UPF2: variants seen among roughly 807,000 people sequenced by gnomAD.
UPF2 encodes the protein UPF2 regulator of nonsense mediated mRNA decay, also known as regulator of nonsense transcripts 2.
In UPF2, 17 loss-of-function variants were observed where a neutral mutation model predicts 141.4. The ratio of observed to expected loss-of-function variants is 0.12; its 90% confidence interval spans 0.08 to 0.18. The LOEUF (loss-of-function observed/expected upper bound fraction) is 0.18. Ranked by LOEUF, UPF2 falls within the 10% of genes least tolerant of loss-of-function variation. UPF2 has a pLI of 1.00. For synonymous variants in UPF2, 540 were observed against 498.0 expected (o/e 1.08, Z -1.12); for missense variants, 1,152 against 1,515.9 (o/e 0.76, Z 3.99).
chr10:11,948,549 T>C (rs766026922), intron 15 of UPF2, 41 bp from the exon 16 acceptor site: 40 of 1,601,604 alleles, frequency 2.5e-5, no homozygotes, highest in Non-Finnish European at 2.9e-5. Flanking sequence ...ACATTAAAAA[T>C]AGACACAGGC....
intron 9 of UPF2, among the ~76,000 whole-genome samples, chr10:11,973,982 G>A (rs887351660): frequency 6.6e-6 from 1 of 152,088 alleles, no homozygotes; most frequent in African/African-American, 2.4e-5. Context: ...GGGCAGTATG[G>A]CCATTTTCAT....
In UPF2 at chr10:11,949,015, C is replaced by T. The variant is rs141422546; in HGVS notation, c.3035-507G>A. On this transcript the variant is annotated intron_variant, in intron 15 of 21. Transcript: ENST00000357604. ...ATTAAGACGGGGGAATGGGGCAAAA[C>T]GCCATAGCAGCTTTGTCACCATACA... Among the ~76,000 whole-genome samples the T allele has an allele frequency of 1.6e-3, 241 of 152,300 alleles. 1 individual carries two copies. Among genetic ancestry groups the T allele is most frequent in the African/African-American group, 5.3e-3 (220 of 41,564 alleles).
intron 15 of UPF2, among the ~76,000 whole-genome samples, chr10:11,950,759 T>G (rs1450404543): frequency 6.6e-6 from 1 of 152,216 alleles, no homozygotes; most frequent in African/African-American, 2.4e-5. Context: ...GATCATGTAT[T>G]CAATTAGAAA....
intron 2 of UPF2, among the ~76,000 whole-genome samples, chr10:12,032,249 G>A (rs1057404450): frequency 2.0e-5 from 3 of 150,914 alleles, no homozygotes; most frequent in African/African-American, 4.9e-5. Flanking sequence ...AGCCGAGATC[G>A]CGCCATTGCA....
chr10:12,027,298 C>T (rs552759211), intron 3 of UPF2, among the ~76,000 whole-genome samples: 4 of 152,278 alleles, frequency 2.6e-5, no homozygotes, highest in Non-Finnish European at 5.9e-5. Flanking sequence ...ATCGTAGAAT[C>T]TCTCCACTCT....
intron 4 of UPF2, among the ~76,000 whole-genome samples, chr10:12,007,759 G>A (rs1479912914): frequency 6.6e-5 from 10 of 151,318 alleles, no homozygotes; most frequent in African/African-American, 2.2e-4. Flanking sequence ...TGAACCCGGG[G>A]AGCAGAGCTT....
chr10:11,964,581 G>A (rs1010826302), intron 10 of UPF2, among the ~76,000 whole-genome samples: 1 of 152,150 alleles, frequency 6.6e-6, no homozygotes, highest in African/African-American at 2.4e-5. Flanking sequence ...AAAACAGATT[G>A]AGACATTTGA....
rs1349488140 is a variant in UPF2, at chr10:11,952,190, A to T, written c.2910T>A (p.Ile970=). 1.1e-5 allele frequency: 17 copies of T among 1,613,674 alleles called. No homozygotes were observed. Among genetic ancestry groups the T allele is most frequent in the Non-Finnish European group, 1.4e-5 (17 of 1,179,796 alleles). The change falls in exon 15 of 22, where the codon ATT becomes ATA. Residue 970 remains isoleucine (I), a synonymous_variant. Coordinates refer to ENST00000357604, the MANE Select transcript of UPF2 (RefSeq NM_015542.4). The part of the protein sequence containing the change: ...EVWTKDHPFP[I]DIDYMISDTL... ...TATCACTGATCATGTAATCTATATC[A>T]ATAGGAAATGGATGGTCTTTTGTCC...
At chr10:11,932,460 T>C (rs1832794818) in intron 19 of UPF2, among the ~76,000 whole-genome samples, 1 of 152,198 alleles carries the variant, frequency 6.6e-6, no homozygotes, top group Non-Finnish European at 1.5e-5. Context: ...GTTTAGATCT[T>C]CTAAAGGGAA....
chr10:11,942,956 G>A (rs575110208), intron 17 of UPF2, 108 bp downstream of exon 17: 1 of 983,102 alleles, frequency 1.0e-6, no homozygotes, highest in Non-Finnish European at 1.5e-6. Flanking sequence ...AATTTCTAAA[G>A]AAATATTTTT....
intron 15 of UPF2, among the ~76,000 whole-genome samples, chr10:11,950,801 A>G (rs1394051895): frequency 6.6e-6 from 1 of 152,266 alleles, no homozygotes; most frequent in Non-Finnish European, 1.5e-5. Context: ...GGTAACTTGG[A>G]AAAAGGTTCA....
chr10:11,943,245 A>G (rs1588529913), intron 16 of UPF2, 77 bp from the exon 17 acceptor site: 2 of 1,211,882 alleles, frequency 1.7e-6, no homozygotes, highest in East Asian at 2.3e-5. Flanking sequence ...AAAAGATTTC[A>G]AAACTTCTGT....
At chr10:11,985,187 C>A (rs1019430784) in intron 8 of UPF2, among the ~76,000 whole-genome samples, 3 of 152,200 alleles carry the variant, frequency 2.0e-5, no homozygotes, top group Non-Finnish European at 4.4e-5. Context: ...TCTCGGAATC[C>A]TCTACCCCTA....
In UPF2 at chr10:11,959,823, A is replaced by G. The variant is rs1833211828; in HGVS notation, c.2185-467T>C. Among the ~76,000 whole-genome samples, 2 of 152,196 alleles carry G rather than the reference A, an allele frequency of 1.3e-5. No individual in the cohort carries two copies. The highest frequency in any genetic ancestry group is 4.1e-4 in the South Asian group (2 of 4,826). ...TGAGACAAAAACAATCAACAGGCAT[A>G]TCAAAGAGCATGTAAGCATACTAAC... On this transcript the variant is annotated intron_variant, in intron 11 of 21. Transcript: ENST00000357604. The surrounding 1 kb of genome is among the most constrained non-coding windows in gnomAD (Gnocchi z 5.9).
At chr10:12,024,923 C>A (rs1287256963) in intron 3 of UPF2, among the ~76,000 whole-genome samples, 1 of 98,344 alleles carries the variant, frequency 1.0e-5, no homozygotes, top group Non-Finnish European at 2.0e-5. Context: ...AAGAGGGAGA[C>A]CCTGTTACAA....
chr10:11,985,147 G>A (rs1300583030), intron 8 of UPF2, among the ~76,000 whole-genome samples: 1 of 152,196 alleles, frequency 6.6e-6, no homozygotes, highest in East Asian at 1.9e-4. Flanking sequence ...GAGTTAAGGA[G>A]TTATGGAAGT....
chr10:12,003,472 C>T (rs142216669), intron 5 of UPF2, among the ~76,000 whole-genome samples: 61 of 152,208 alleles, frequency 4.0e-4, no homozygotes, highest in Admixed American at 1.7e-3. Flanking sequence ...ATTTCAGAGA[C>T]TGAGAAGGAT....
At chr10:11,922,327 A>C (rs2131141326) in intron 21 of UPF2, among the ~76,000 whole-genome samples, 1 of 152,354 alleles carries the variant, frequency 6.6e-6, no homozygotes, top group East Asian at 1.9e-4. Context: ...CTTACAGAGC[A>C]AGCTACCTTA....
intron 9 of UPF2, among the ~76,000 whole-genome samples, chr10:11,972,458 G>A (rs11257457): frequency 0.06 from 9,127 of 152,192 alleles, 371 homozygotes; most frequent in Non-Finnish European, 0.092. Flanking sequence ...AGGTATACAT[G>A]TGCCATGTTG....
Sources: allele counts gnomAD v4.1 joint callset (sites outside exome capture counted in the v4.1 genomes callset), GRCh38; gene constraint gnomAD v4.1.1; non-coding constraint Gnocchi (gnomAD v3.1); transcripts MANE v1.5; gene names NCBI Gene and HGNC (gene_info 2026-07-23, HGNC 2026-07-21).